The following CPNE3 variants were observed in gnomAD, a reference collection of about 807,000 sequenced individuals.
The protein encoded by CPNE3 is copine 3.
Under a neutral mutation model 63.9 loss-of-function variants are expected in CPNE3, and 68 were observed. The observed-to-expected ratio is 1.06, with a 90% CI of 0.87 to 1.30. The LOEUF is 1.30. Among genes scored for constraint, CPNE3 ranks in the 50% most tolerant of loss-of-function variants. The pLI is 0.00. For missense variants in CPNE3, 665 were observed against 578.1 expected, an observed-to-expected ratio of 1.15 and a Z score of -1.54; for synonymous variants, 219 against 197.5, an observed-to-expected ratio of 1.11 and a Z score of -0.91.
rs950835862 is a variant in CPNE3, at chr8:86,553,753, T to G, written c.1121-1098T>G. The stretch of plus-strand genomic sequence containing the variant: ...ACCTGTTTTGATTTACATTAAGTTT[T>G]TTTTTTTTTTTTTGTGGCAAGTATC... On this transcript the variant is annotated intron_variant, in intron 14 of 16. Coordinates refer to ENST00000517490, the MANE Select transcript of CPNE3 (RefSeq NM_003909.5). 1.4e-4 allele frequency among the ~76,000 whole-genome samples: 21 copies of G among 151,844 alleles called. No homozygotes were observed. In the Middle Eastern group the frequency reaches 0.01, roughly 74 times the overall value.
At chr8:86,539,209 T>C (rs1280964488) in intron 7 of CPNE3, among the ~76,000 whole-genome samples, 2 of 152,230 alleles carry the variant, frequency 1.3e-5, no homozygotes, top group East Asian at 3.9e-4. Context: ...TAGAGAGAGC[T>C]CGTAGTCTCT....
At chr8:86,528,447 T>C in intron 2 of CPNE3, 89 bp from the exon 3 acceptor site, 2 of 1,423,190 alleles carry the variant, frequency 1.4e-6, no homozygotes, top group Non-Finnish European at 9.7e-7. Flanking sequence ...TGACAATTGG[T>C]CTTAAGAAGT....
At chr8:86,536,273 AC>A in intron 6 of CPNE3, among the ~76,000 whole-genome samples, 1 of 143,842 alleles carries the variant, frequency 7.0e-6, no homozygotes, top group Admixed American at 7.2e-5. Flanking sequence ...TATGTTCCCC[AC>A]CCCCAGCCCT....
chr8:86,517,093 T>C (rs1010156857), intron 2 of CPNE3, among the ~76,000 whole-genome samples: 3 of 152,174 alleles, frequency 2.0e-5, no homozygotes, highest in Non-Finnish European at 4.4e-5. Context: ...CCACCAATAT[T>C]TTCCCTTCTT....
Position 86,540,303 on chromosome 8 carries a change from T to C in CPNE3, c.602T>C (p.Leu201Pro), listed in dbSNP as rs774441979. Residue 201 changes from leucine (L) to proline (P), a missense_variant, in exon 8 of 17, where the codon CTG (leucine) becomes CCG (proline). Physicochemically the swap from Leu to Pro is moderately conservative, Grantham distance 98 (BLOSUM62 -3). Transcript: ENST00000517490. Reference protein sequence around the residue: ...WRPFKISLNSLCYGDMDKTIK... With the variant: ...WRPFKISLNSPCYGDMDKTIK... ...CCTTTCAAGATCTCTCTTAACTCAC[T>C]GTGTTACGGAGATATGGACAAAACC... The C allele has an allele frequency of 3.2e-6, 5 of 1,585,142 alleles. No individual in the cohort carries two copies. The Admixed American group carries it at 7.3e-5, about 23-fold the overall frequency.
chr8:86,532,305 G>A (rs1820700598), intron 5 of CPNE3, among the ~76,000 whole-genome samples: 1 of 152,076 alleles, frequency 6.6e-6, no homozygotes, highest in African/African-American at 2.4e-5. Flanking sequence ...GCAGACCTGG[G>A]CATATTTTGG....
chr8:86,547,274 G>A (rs1189781933), intron 10 of CPNE3: 1 of 156,036 alleles, frequency 6.4e-6, no homozygotes, highest in African/African-American at 2.4e-5. Context: ...GCTCTTTAGT[G>A]GAAATGACCT....
Position 86,558,499 on chromosome 8 carries a change from C to A in CPNE3, c.*89C>A. 1.2e-6 allele frequency: 1 copy of A among 843,362 alleles called. No individual in the cohort carries two copies. The allele number at this position is 843,362 out of a possible 1,614,324, so 52.2% of individuals were successfully genotyped here. On this transcript the variant is annotated 3_prime_UTR_variant, in exon 17 of 17. Transcript: ENST00000517490. ...TCTGTCATTCTACGTACTTTTTACC[C>A]CCAGCATTTATGATGTAAATCTCTT... is the stretch of plus-strand genomic sequence containing the variant.
intron 2 of CPNE3, among the ~76,000 whole-genome samples, chr8:86,527,691 A>G (rs892286560): frequency 4.0e-4 from 61 of 152,112 alleles, no homozygotes; most frequent in African/African-American, 1.4e-3. Flanking sequence ...GAAGCAGCCA[A>G]TATTGAGAAC....
intron 2 of CPNE3, among the ~76,000 whole-genome samples, chr8:86,524,403 G>A (rs1820495821): frequency 6.6e-6 from 1 of 152,004 alleles, no homozygotes; most frequent in African/African-American, 2.4e-5. Flanking sequence ...AGGGTGACTG[G>A]GAGAATTATT....
intron 13 of CPNE3, 22 bp from the exon 14 acceptor site, chr8:86,551,161 G>A: frequency 6.2e-7 from 1 of 1,613,584 alleles, no homozygotes; most frequent in Non-Finnish European, 8.5e-7. Context: ...GCCCTCATCA[G>A]TCCTTTGTCC....
intron 2 of CPNE3, among the ~76,000 whole-genome samples, chr8:86,527,944 A>C (rs1820573986): frequency 1.1e-5 from 1 of 87,782 alleles, no homozygotes; most frequent in South Asian, 3.6e-4. Context: ...AGGTAAAAAG[A>C]AATTTTTTTT....
chr8:86,548,180 A>T, intron 11 of CPNE3, 121 bp from the exon 12 acceptor site: 1 of 959,454 alleles, frequency 1.0e-6, no homozygotes. Flanking sequence ...AGTGGTAGGC[A>T]TTTGTTAGGA....
In CPNE3 at chr8:86,558,572, G is replaced by A. The variant is rs187829008; in HGVS notation, c.*162G>A. 3.3e-6 allele frequency: 2 copies of A among 598,180 alleles called. No homozygotes were observed. Among genetic ancestry groups the A allele is most frequent in the African/African-American group, 1.8e-5 (1 of 54,916 alleles). 37.1% of individuals were successfully genotyped at this position (598,180 alleles called of 1,614,324 possible). ...AAAGCATTCTTTCTAGGTTATTTTGGGGGGACAGTGCCAAGTCCATCTTTG... is the reference window on the plus strand; with the variant it reads ...AAAGCATTCTTTCTAGGTTATTTTGAGGGGACAGTGCCAAGTCCATCTTTG... On this transcript the variant is annotated 3_prime_UTR_variant, in exon 17 of 17. Transcript: ENST00000517490.
rs1489212036 is a variant in CPNE3 at position 86,560,653 on chromosome 8, A to G, written c.*2243A>G. On this transcript the variant is annotated 3_prime_UTR_variant, in exon 17 of 17. Transcript: ENST00000517490. The stretch of plus-strand genomic sequence containing the variant: ...TGTTCATCAGTAGATGCTATTATTC[A>G]TAAGAACTGTGATTCCAGCAAACTA... The G allele has an allele frequency of 6.6e-6, 1 of 152,230 alleles. No individual in the cohort carries two copies. The highest frequency in any genetic ancestry group is 2.4e-5 in the African/African-American group (1 of 41,468). The allele number at this position is 152,230 out of a possible 1,614,324, so 9.4% of individuals were successfully genotyped here. A position where few individuals can be genotyped will look rare whatever the true frequency, so the allele number is the denominator to read the frequency against.
chr8:86,519,704 C>T (rs1169855881), intron 2 of CPNE3, among the ~76,000 whole-genome samples: 2 of 152,030 alleles, frequency 1.3e-5, no homozygotes, highest in South Asian at 2.1e-4. Context: ...ACATTTTTTT[C>T]AGATATAGCT....
intron 16 of CPNE3, 98 bp downstream of exon 16, chr8:86,556,436 G>A: frequency 1.3e-6 from 1 of 782,532 alleles, no homozygotes; most frequent in South Asian, 1.4e-5. Context: ...AGGGTTAGAG[G>A]ATGTGTGAAC....
At chr8:86,546,856 A>G (rs929281175) in intron 10 of CPNE3, among the ~76,000 whole-genome samples, 175 bp downstream of exon 10, 82 of 152,150 alleles carry the variant, frequency 5.4e-4, no homozygotes, top group African/African-American at 1.9e-3. Context: ...GATTACAGGC[A>G]CCCACCACTA....
In CPNE3 at chr8:86,522,548, CTTTTTTTTTT is replaced by C. The variant is rs36073581; in HGVS notation, c.-10-5968_-10-5959del. On this transcript the variant is annotated intron_variant, in intron 2 of 16. Coordinates refer to ENST00000517490, the MANE Select transcript of CPNE3 (RefSeq NM_003909.5). The stretch of plus-strand genomic sequence containing the variant: ...CAGCCATATTACCTGACGCCCGCTG[CTTTTTTTTTT>C]TTTTTTTTTTTTTTTTTTTAGTAGG... Among the ~76,000 whole-genome samples the C allele has an allele frequency of 1.2e-3, 98 of 82,182 alleles. 1 individual carries two copies. Among genetic ancestry groups the C allele is most frequent in the East Asian group, 3.6e-3 (11 of 3,024 alleles). 53.9% of individuals were successfully genotyped at this position (82,182 alleles called of 152,430 possible).
Sources: allele counts gnomAD v4.1 joint callset (sites outside exome capture counted in the v4.1 genomes callset), GRCh38; gene constraint gnomAD v4.1.1; transcripts MANE v1.5; gene names NCBI Gene and HGNC (gene_info 2026-07-23, HGNC 2026-07-21).